The following RASGRF2 variants were observed in gnomAD, a reference collection of about 807,000 sequenced individuals.
The protein encoded by RASGRF2 is ras-specific guanine nucleotide-releasing factor 2.
Under a neutral mutation model 151.0 loss-of-function variants are expected in RASGRF2, and 76 were observed. The ratio of observed to expected loss-of-function variants is 0.50; its 90% CI spans 0.42 to 0.61. The LOEUF is 0.61. RASGRF2 is among the 20% of genes least tolerant of loss of function. RASGRF2 has a pLI of 0.00. For missense variants in RASGRF2, 1,148 were observed against 1,564.6 expected (o/e 0.73, Z 4.49); for synonymous variants, 504 against 566.5 (o/e 0.89, Z 1.57).
intron 1 of RASGRF2, among the ~76,000 whole-genome samples, chr5:80,988,531 C>G (rs1378529934): frequency 2.6e-5 from 4 of 152,116 alleles, no homozygotes; most frequent in African/African-American, 9.7e-5. Flanking sequence ...AGTCCAGGCC[C>G]TGGTGGATAC....
At chr5:81,101,718 C>T (rs776930237) in intron 12 of RASGRF2, among the ~76,000 whole-genome samples, 3 of 152,056 alleles carry the variant, frequency 2.0e-5, no homozygotes, top group Non-Finnish European at 4.4e-5. Context: ...TTATCAAAGA[C>T]ATTTTTATAT....
chr5:81,076,392 C>G (rs1324663930), intron 5 of RASGRF2, among the ~76,000 whole-genome samples: 1 of 152,170 alleles, frequency 6.6e-6, no homozygotes, highest in Non-Finnish European at 1.5e-5. Flanking sequence ...TAGCTGGGAG[C>G]ATGGCAGGGA....
intron 1 of RASGRF2, among the ~76,000 whole-genome samples, chr5:80,970,432 C>T (rs1414354466): frequency 6.6e-6 from 1 of 152,164 alleles, no homozygotes; most frequent in Admixed American, 6.5e-5. Context: ...AGACAATATA[C>T]AGGTGAGTAG....
chr5:81,112,491 C>T (rs1753023865), intron 13 of RASGRF2, 119 bp from the exon 14 acceptor site: 1 of 1,319,838 alleles, frequency 7.6e-7, no homozygotes, highest in Non-Finnish European at 1.1e-6. Flanking sequence ...TATCTCTCTC[C>T]TATCAAATGC....
intron 18 of RASGRF2, among the ~76,000 whole-genome samples, chr5:81,200,319 T>G (rs1442644952): frequency 6.6e-6 from 1 of 152,148 alleles, no homozygotes; most frequent in Non-Finnish European, 1.5e-5. Flanking sequence ...TTCTACCTTT[T>G]TAAAATCTGT....
intron 1 of RASGRF2, among the ~76,000 whole-genome samples, chr5:81,010,021 G>A (rs1378022108): frequency 1.3e-5 from 2 of 151,930 alleles, no homozygotes; most frequent in African/African-American, 2.4e-5. Flanking sequence ...CCGGGCATGG[G>A]GTTGGGTGCC....
intron 12 of RASGRF2, among the ~76,000 whole-genome samples, chr5:81,099,905 T>TTG (rs1752648539): frequency 1.5e-5 from 2 of 137,888 alleles, no homozygotes; most frequent in African/African-American, 5.5e-5. Flanking sequence ...TTTTTCTTTT[T>TTG]TCTTTTTTTT....
intron 1 of RASGRF2, among the ~76,000 whole-genome samples, chr5:81,030,705 T>G (rs1305543577): frequency 6.6e-6 from 1 of 151,990 alleles, no homozygotes; most frequent in African/African-American, 2.4e-5. Context: ...CAGGCCAAAT[T>G]GTAAAGACCA....
At chr5:81,172,464 TG>T (rs1754679776) in intron 17 of RASGRF2, among the ~76,000 whole-genome samples, 1 of 151,882 alleles carries the variant, frequency 6.6e-6, no homozygotes, top group Non-Finnish European at 1.5e-5. Context: ...TGTGTGTGTG[TG>T]TGTGTGTGTT....
intron 1 of RASGRF2, among the ~76,000 whole-genome samples, chr5:81,012,283 A>AT (rs886206404): frequency 1.2e-4 from 18 of 151,248 alleles, no homozygotes; most frequent in South Asian, 2.1e-4. Flanking sequence ...TGATAAAGTG[A>AT]TTTTTTTTTC....
intron 18 of RASGRF2, among the ~76,000 whole-genome samples, chr5:81,180,559 A>C (rs1754891300): frequency 6.6e-6 from 1 of 152,072 alleles, no homozygotes; most frequent in East Asian, 1.9e-4. Flanking sequence ...ACCCATGGGC[A>C]CCTGAGCCAC....
At chr5:81,005,767 GAC>G (rs796975175) in intron 1 of RASGRF2, among the ~76,000 whole-genome samples, 5 of 152,278 alleles carry the variant, frequency 3.3e-5, no homozygotes, top group African/African-American at 1.2e-4. Context: ...AGAGTGGAGA[GAC>G]ATATTTTGCA....
At chr5:81,059,383 C>CAAA (rs35051372) in intron 2 of RASGRF2, among the ~76,000 whole-genome samples, 56 of 89,674 alleles carry the variant, frequency 6.2e-4, no homozygotes, top group African/African-American at 1.6e-3. Context: ...GACTCCGCCT[C>CAAA]AAAAAAAAAA....
rs1356025501 is a variant in RASGRF2 at position 81,212,597 on chromosome 5, AGAG to A, written c.3354+41_3354+43del. 2.0e-6 allele frequency: 3 copies of A among 1,536,008 alleles called. No homozygotes were observed. The African/African-American group carries it at 4.1e-5, about 21-fold the overall frequency. ...CAGCGTGTGACACAGCCTGCTGCTA[AGAG>A]GAGGAGAGGCTGGGAGATGGGAGCC... On this transcript the variant is annotated intron_variant, in intron 23 of 26. Transcript: ENST00000265080.
intron 18 of RASGRF2, among the ~76,000 whole-genome samples, chr5:81,193,409 C>G (rs73768034): frequency 0.031 from 4,780 of 152,314 alleles, 175 homozygotes; most frequent in African/African-American, 0.096. Flanking sequence ...CTCAAATGGT[C>G]ATCAGTGAAG....
At chr5:81,181,564 T>G (rs1754917688) in intron 18 of RASGRF2, among the ~76,000 whole-genome samples, 1 of 152,222 alleles carries the variant, frequency 6.6e-6, no homozygotes, top group African/African-American at 2.4e-5. Context: ...TAAATCCATT[T>G]TGCCTCACTG....
At chr5:81,114,445 A>G (rs1442132833) in intron 15 of RASGRF2, among the ~76,000 whole-genome samples, 1 of 152,266 alleles carries the variant, frequency 6.6e-6, no homozygotes, top group Non-Finnish European at 1.5e-5. Context: ...TAGCAGAGGT[A>G]TAGGAGAGAA....
intron 1 of RASGRF2, among the ~76,000 whole-genome samples, chr5:81,012,982 A>C (rs891973978): frequency 1.7e-4 from 26 of 152,328 alleles, no homozygotes; most frequent in South Asian, 6.2e-4. Flanking sequence ...AAAGGGACTC[A>C]AAGTTTGGAG....
At chr5:81,198,196 C>G (rs1039921520) in intron 18 of RASGRF2, among the ~76,000 whole-genome samples, 3 of 151,860 alleles carry the variant, frequency 2.0e-5, no homozygotes, top group Admixed American at 6.6e-5. Flanking sequence ...GAGATTTGGG[C>G]TTTATTGATC....
Sources: allele counts gnomAD v4.1 joint callset (sites outside exome capture counted in the v4.1 genomes callset), GRCh38; gene constraint gnomAD v4.1.1; transcripts MANE v1.5; gene names NCBI Gene and HGNC (gene_info 2026-07-23, HGNC 2026-07-21).